The following EXOC6B variants were observed in gnomAD, a reference collection of about 807,000 sequenced individuals.
EXOC6B encodes SEC15 homolog B.
Under a neutral mutation model 113.5 loss-of-function variants are expected in EXOC6B, and 54 were observed. The observed-to-expected ratio is 0.48, with a 90% CI of 0.38 to 0.60. EXOC6B has a LOEUF of 0.60. EXOC6B is among the 20% of genes least tolerant of loss of function. EXOC6B has a pLI of 0.00. For missense variants in EXOC6B, 797 were observed against 977.5 expected (o/e 0.82, Z 2.46); for synonymous variants, 357 against 339.0 (o/e 1.05, Z -0.58).
In EXOC6B at chr2:72,628,225, A is replaced by G. The variant is rs1434103806; in HGVS notation, c.670-52557T>C. On this transcript the variant is annotated intron_variant, in intron 6 of 21. Coordinates refer to ENST00000272427, the MANE Select transcript of EXOC6B (RefSeq NM_015189.3). ...CTACTGCCTCAAACTCCTGGGCTCA[A>G]CAATCCTCCCACCTCAGCCTCCCAA... Among the ~76,000 whole-genome samples the G allele has an allele frequency of 2.0e-5, 3 of 151,998 alleles. No individual in the cohort carries two copies. The East Asian group carries it at 5.8e-4, about 29-fold the overall frequency.
chr2:72,731,230 C>G lies in EXOC6B; in HGVS notation c.343G>C (p.Glu115Gln), dbSNP rs746251809. The change falls in exon 4 of 22, where the codon GAA becomes CAA. Residue 115 changes from glutamate (E) to glutamine (Q), a missense_variant. Glu to Gln is a conservative substitution (Grantham distance 29, BLOSUM62 2). Coordinates refer to ENST00000272427, the MANE Select transcript of EXOC6B (RefSeq NM_015189.3). ...HEGKELVIAM[E>Q]ELKQCRLQQR... ...TGTAGTCGACACTGCTTCAGCTCTT[C>G]CATTGCTATTACCAGCTTGGCAAGA... The G allele has an allele frequency of 2.5e-6, 4 of 1,612,952 alleles. No homozygotes were observed. The highest frequency in any genetic ancestry group is 1.3e-5 in the African/African-American group (1 of 74,892).
chr2:72,228,523 T>C (rs1681401182), intron 20 of EXOC6B, among the ~76,000 whole-genome samples: 1 of 151,150 alleles, frequency 6.6e-6, no homozygotes. Flanking sequence ...CGGTGTTTGG[T>C]TTTTTCCTTG....
At chr2:72,194,623 G>T (rs763453004) in intron 20 of EXOC6B, among the ~76,000 whole-genome samples, 6 of 151,798 alleles carry the variant, frequency 4.0e-5, no homozygotes, top group African/African-American at 7.3e-5. Flanking sequence ...ATATGTGTGT[G>T]TGCACAACTC....
At chr2:72,733,266 G>A (rs1271599431) in intron 2 of EXOC6B, 148 bp from the exon 3 acceptor site, 1 of 642,490 alleles carries the variant, frequency 1.6e-6, no homozygotes, top group Admixed American at 2.9e-5. Flanking sequence ...CATTCTCTTG[G>A]GTTTAAATTA....
intron 8 of EXOC6B, among the ~76,000 whole-genome samples, chr2:72,554,682 T>G (rs1430592882): frequency 6.6e-6 from 1 of 152,200 alleles, no homozygotes; most frequent in Non-Finnish European, 1.5e-5. Flanking sequence ...AATTACCCAG[T>G]CTCAGGTAGT....
rs1403591780 is a variant in EXOC6B, at chr2:72,825,994, C to A, written c.-84G>T. ...CCCACAATGCCGCTCCCACCACAGG[C>A]TCCACAGCCGCCCCAGCCTCTGGCT... is the stretch of plus-strand genomic sequence containing the variant. On this transcript the variant is annotated 5_prime_UTR_variant, in exon 1 of 22. Transcript: ENST00000272427. This position sits in a 1 kb window ranked among gnomAD's most constrained non-coding sequence, Gnocchi z 4.4. 24 of 1,533,138 alleles carry A rather than the reference C, an allele frequency of 1.6e-5. No individual in the cohort carries two copies. Among genetic ancestry groups the A allele is most frequent in the Admixed American group, 3.7e-5 (2 of 54,626 alleles). The allele number at this position is 1,533,138 out of a possible 1,614,324, so 95.0% of individuals were successfully genotyped here.
intron 18 of EXOC6B, among the ~76,000 whole-genome samples, chr2:72,387,266 G>A (rs1297802460): frequency 6.6e-6 from 1 of 152,044 alleles, no homozygotes; most frequent in African/African-American, 2.4e-5. Flanking sequence ...TTGAGTCCGT[G>A]TTTATGCAGG....
intron 8 of EXOC6B, among the ~76,000 whole-genome samples, chr2:72,540,321 G>C (rs1172238704): frequency 6.6e-6 from 1 of 151,798 alleles, no homozygotes; most frequent in Non-Finnish European, 1.5e-5. Flanking sequence ...TTTTTATTTA[G>C]AAATTTCAAC....
chr2:72,433,359 C>A (rs558886725), intron 18 of EXOC6B, among the ~76,000 whole-genome samples: 3 of 152,078 alleles, frequency 2.0e-5, no homozygotes, highest in Non-Finnish European at 4.4e-5. Context: ...CAGCTTTGTT[C>A]TTTTTGTTTA....
intron 18 of EXOC6B, among the ~76,000 whole-genome samples, chr2:72,447,303 C>T (rs1696646293): frequency 1.3e-5 from 2 of 152,174 alleles, no homozygotes; most frequent in African/African-American, 4.8e-5. Context: ...ATCATTAAAA[C>T]TTAACATAGT....
At chr2:72,752,523 C>G (rs1682121457) in intron 1 of EXOC6B, among the ~76,000 whole-genome samples, 1 of 151,218 alleles carries the variant, frequency 6.6e-6, no homozygotes, top group Non-Finnish European at 1.5e-5. Context: ...CTTCTGGCAT[C>G]CTTTCCCTTC....
At chr2:72,511,618 A>G (rs1321131952) in intron 11 of EXOC6B, among the ~76,000 whole-genome samples, 3 of 152,058 alleles carry the variant, frequency 2.0e-5, no homozygotes, top group Admixed American at 6.6e-5. Context: ...TGAAAATCTG[A>G]TCATCTTACT....
At chr2:72,791,637 G>C (rs1390908173) in intron 1 of EXOC6B, among the ~76,000 whole-genome samples, 2 of 152,178 alleles carry the variant, frequency 1.3e-5, no homozygotes, top group African/African-American at 4.8e-5. Context: ...CCACATAAAT[G>C]CTTATTAACA....
chr2:72,393,600 A>G (rs1048970124), intron 18 of EXOC6B, among the ~76,000 whole-genome samples: 2 of 152,222 alleles, frequency 1.3e-5, no homozygotes, highest in Admixed American at 6.5e-5. Flanking sequence ...AGAAACCAAA[A>G]TGAATCTTTT....
chr2:72,426,160 T>G lies in EXOC6B; in HGVS notation c.1980+39000A>C, dbSNP rs1326399740. Among the ~76,000 whole-genome samples, 3 of 152,208 alleles carry G rather than the reference T, an allele frequency of 2.0e-5. No individual in the cohort carries two copies. In the South Asian group the frequency reaches 6.2e-4, roughly 31 times the overall value. ...TATTTCCTCCAACTCATTAAGAACA[T>G]CTGCTACATTATTCACTCTACATCT... On this transcript the variant is annotated intron_variant, in intron 18 of 21. Transcript: ENST00000272427.
rs367812481 is a variant in EXOC6B at position 72,737,871 on chromosome 2, C to T, written c.279+3433G>A. On this transcript the variant is annotated intron_variant, in intron 2 of 21. Coordinates refer to ENST00000272427, the MANE Select transcript of EXOC6B (RefSeq NM_015189.3). Reference sequence around the variant, plus strand: ...TGTCTCAAAAAAAAAAGTTATTTTACGGTAGCAAGTTCAAGTTTCTCATTT... The same window carrying T: ...TGTCTCAAAAAAAAAAGTTATTTTATGGTAGCAAGTTCAAGTTTCTCATTT... Among the ~76,000 whole-genome samples, 10 of 152,100 alleles carry T rather than the reference C, an allele frequency of 6.6e-5. No homozygotes were observed. In the South Asian group the frequency reaches 1.2e-3, roughly 19 times the overall value.
At chr2:72,379,057 A>G (rs1422028572) in intron 19 of EXOC6B, among the ~76,000 whole-genome samples, 2 of 152,168 alleles carry the variant, frequency 1.3e-5, no homozygotes, top group Non-Finnish European at 2.9e-5. Flanking sequence ...TTCTTAATAA[A>G]AGGAATAGGT....
intron 19 of EXOC6B, among the ~76,000 whole-genome samples, chr2:72,372,084 A>T (rs1201445139): frequency 3.9e-5 from 6 of 152,186 alleles, no homozygotes; most frequent in Non-Finnish European, 7.3e-5. Context: ...GCCACAAATA[A>T]AAGTAAATAC....
In EXOC6B at chr2:72,825,718, G is replaced by A; in HGVS notation, c.113+80C>T. 7.0e-7 allele frequency: 1 copy of A among 1,425,360 alleles called. No homozygotes were observed. Among genetic ancestry groups the A allele is most frequent in the Non-Finnish European group, 9.2e-7 (1 of 1,082,788 alleles). 88.3% of individuals were successfully genotyped at this position (1,425,360 alleles called of 1,614,324 possible). On this transcript the variant is annotated intron_variant, in intron 1 of 21. Transcript: ENST00000272427. This position sits in a 1 kb window ranked among gnomAD's most constrained non-coding sequence, Gnocchi z 4.4. ...GGGGCCGGCGCCGGACCTGGGGACA[G>A]CCGGCCGGAGGCCCGACCCAGAGGA...
Sources: allele counts gnomAD v4.1 joint callset (sites outside exome capture counted in the v4.1 genomes callset), GRCh38; gene constraint gnomAD v4.1.1; non-coding constraint Gnocchi (gnomAD v3.1); transcripts MANE v1.5; gene names NCBI Gene and HGNC (gene_info 2026-07-23, HGNC 2026-07-21).